Variants in PDE3A observed in about 807,000 individuals in gnomAD.
The protein encoded by PDE3A is phosphodiesterase 3A.
A neutral mutation model predicts 98.3 loss-of-function variants in PDE3A; 43 were observed. The ratio of observed to expected loss-of-function variants is 0.44; its 90% CI spans 0.34 to 0.56. The LOEUF is 0.56. Ranked by LOEUF, PDE3A falls within the 20% of genes least tolerant of loss-of-function variation. The pLI, the probability that PDE3A is intolerant of heterozygous loss-of-function variation, is 0.01. For missense variants in PDE3A, 1,427 were observed against 1,440.7 expected (o/e 0.99, Z 0.15); for synonymous variants, 663 against 567.9 (o/e 1.17, Z -2.38).
intron 1 of PDE3A, among the ~76,000 whole-genome samples, chr12:20,535,024 C>A (rs895612119): frequency 2.6e-5 from 4 of 152,036 alleles, no homozygotes; most frequent in African/African-American, 9.7e-5. Context: ...AGTAATTTTG[C>A]CATCAGTTTT....
At chr12:20,462,512 AT>A (rs879796450) in intron 1 of PDE3A, among the ~76,000 whole-genome samples, 19 of 151,134 alleles carry the variant, frequency 1.3e-4, no homozygotes, top group Non-Finnish European at 2.4e-4. Flanking sequence ...CAAAAATCGA[AT>A]TTTTTTTTGG....
At chr12:20,469,190 C>T (rs376841162) in intron 1 of PDE3A, among the ~76,000 whole-genome samples, 1 of 151,970 alleles carries the variant, frequency 6.6e-6, no homozygotes, top group African/African-American at 2.4e-5. Flanking sequence ...CATATTTAAC[C>T]CTTAAATACC....
At chr12:20,536,458 G>A (rs1291781121) in intron 1 of PDE3A, among the ~76,000 whole-genome samples, 1 of 151,938 alleles carries the variant, frequency 6.6e-6, no homozygotes, top group African/African-American at 2.4e-5. Flanking sequence ...AAGTTATGGA[G>A]CTATCGCCAC....
At chr12:20,449,657 C>A in intron 1 of PDE3A, 9 of 417,038 alleles carry the variant, frequency 2.2e-5, no homozygotes, top group Non-Finnish European at 2.7e-5. Context: ...AGTCGCTTTT[C>A]CCCCTATTTC....
chr12:20,509,714 G>A (rs372374822), intron 1 of PDE3A, among the ~76,000 whole-genome samples: 3 of 151,758 alleles, frequency 2.0e-5, no homozygotes, highest in African/African-American at 4.8e-5. Context: ...TTTTCCTTCC[G>A]GATGTTAAAT....
intron 2 of PDE3A, among the ~76,000 whole-genome samples, chr12:20,610,187 C>CTT (rs1943813334): frequency 6.6e-6 from 1 of 151,906 alleles, no homozygotes; most frequent in East Asian, 1.9e-4. Context: ...ATAAATAACT[C>CTT]TTATAACACA....
At chr12:20,647,883 T>C (rs993614314) in intron 12 of PDE3A, among the ~76,000 whole-genome samples, 2 of 152,110 alleles carry the variant, frequency 1.3e-5, no homozygotes, top group Admixed American at 1.3e-4. Flanking sequence ...CAGATTATTT[T>C]ACACGTCTAC....
intron 1 of PDE3A, among the ~76,000 whole-genome samples, chr12:20,451,803 T>A (rs547254250): frequency 5.4e-4 from 82 of 152,316 alleles, no homozygotes; most frequent in Admixed American, 9.2e-4. Context: ...AGAGTCAGAT[T>A]TTATATTCAT....
chr12:20,371,026 A>C (rs1943463831), intron 1 of PDE3A, among the ~76,000 whole-genome samples: 1 of 152,236 alleles, frequency 6.6e-6, no homozygotes, highest in South Asian at 2.1e-4. Context: ...GATATTTATA[A>C]ATTCAAATGG....
At chr12:20,473,499 C>T (rs545125416) in intron 1 of PDE3A, among the ~76,000 whole-genome samples, 1 of 152,220 alleles carries the variant, frequency 6.6e-6, no homozygotes, top group African/African-American at 2.4e-5. Flanking sequence ...CTAGCCAACT[C>T]GATGCATTTT....
chr12:20,441,982 T>A (rs2120846478), intron 1 of PDE3A, among the ~76,000 whole-genome samples: 1 of 152,336 alleles, frequency 6.6e-6, no homozygotes, highest in Admixed American at 6.5e-5. Flanking sequence ...TGCTGTATTC[T>A]TCTGCTTTTC....
Position 20,613,707 on chromosome 12 carries a change from A to T in PDE3A, c.1269+7A>T. The T allele has an allele frequency of 5.6e-6, 9 of 1,608,692 alleles. No individual in the cohort carries two copies. Among genetic ancestry groups the T allele is most frequent in the Non-Finnish European group, 7.7e-6 (9 of 1,175,012 alleles). ...CAAGCTTGCTATTCCAAAGGTAGGT[A>T]GTAATGACATACCCCTTAAAGGGTT... is the stretch of plus-strand genomic sequence containing the variant. On this transcript the variant is annotated splice_region_variant and intron_variant, in intron 3 of 15. Coordinates refer to ENST00000359062, the MANE Select transcript of PDE3A (RefSeq NM_000921.5).
intron 1 of PDE3A, among the ~76,000 whole-genome samples, chr12:20,470,762 T>C (rs1206570104): frequency 1.3e-5 from 2 of 152,102 alleles, no homozygotes; most frequent in African/African-American, 2.4e-5. Context: ...GTGGGTTGCA[T>C]TGTGTCCTTT....
At chr12:20,664,068 C>T (rs61921481) in intron 15 of PDE3A, among the ~76,000 whole-genome samples, 1 of 151,956 alleles carries the variant, frequency 6.6e-6, no homozygotes, top group Non-Finnish European at 1.5e-5. Flanking sequence ...GGGACTTTTC[C>T]CCCTTTGCTT....
Position 20,552,431 on chromosome 12 carries a change from T to A in PDE3A, c.961-4229T>A, listed in dbSNP as rs1942237911. 3 of 1,612,626 alleles carry A rather than the reference T, an allele frequency of 1.9e-6. No homozygotes were observed. Among genetic ancestry groups the A allele is most frequent in the East Asian group, 2.2e-5 (1 of 44,826 alleles). On this transcript the variant is annotated intron_variant, in intron 1 of 15. Transcript: ENST00000359062. The surrounding 1 kb of genome is among the most constrained non-coding windows in gnomAD (Gnocchi z 5.1). Reference sequence around the variant, plus strand: ...GAGGGGAAGGACCGGATCAAGAAGCTGGGGCTGACCATGCAGTATCCAGAA... The same window carrying A: ...GAGGGGAAGGACCGGATCAAGAAGCAGGGGCTGACCATGCAGTATCCAGAA...
At position 20,682,401 on chromosome 12, in the gene PDE3A, C is replaced by T. The variant is rs1945812866; in HGVS notation, c.*2130C>T. 6.6e-6 allele frequency: 1 copy of T among 152,098 alleles called. No individual in the cohort carries two copies. The highest frequency in any genetic ancestry group is 2.4e-5 in the African/African-American group (1 of 41,416). 9.4% of individuals were successfully genotyped at this position (152,098 alleles called of 1,614,324 possible). ...CTCATAAATGGATATTGTACTCCCC[C>T]CTTTCAAAGCATTATTTTACAATAA... On this transcript the variant is annotated 3_prime_UTR_variant, in exon 16 of 16. Coordinates refer to ENST00000359062, the MANE Select transcript of PDE3A (RefSeq NM_000921.5).
rs193156730 is a variant in PDE3A at position 20,422,207 on chromosome 12, A to G, written c.960+51963A>G. On this transcript the variant is annotated intron_variant, in intron 1 of 15. Transcript: ENST00000359062. ...TAAAAATACAAAAAATTAGCCGGGC[A>G]TGGTGGCGGGCACCTGTAGTCCCAG... 5.5e-3 allele frequency among the ~76,000 whole-genome samples: 836 copies of G among 152,088 alleles called. 4 individuals carry two copies. The highest frequency in any genetic ancestry group is 0.047 in the East Asian group (243 of 5,142).
At position 20,613,715 on chromosome 12, in the gene PDE3A, C is replaced by A; in HGVS notation, c.1269+15C>A. On this transcript the variant is annotated intron_variant, in intron 3 of 15. Transcript: ENST00000359062. Reference sequence around the variant, plus strand: ...CTATTCCAAAGGTAGGTAGTAATGACATACCCCTTAAAGGGTTAAACTATT... The same window carrying A: ...CTATTCCAAAGGTAGGTAGTAATGAAATACCCCTTAAAGGGTTAAACTATT... The A allele has an allele frequency of 6.2e-7, 1 of 1,607,258 alleles. No individual in the cohort carries two copies. Among genetic ancestry groups the A allele is most frequent in the Non-Finnish European group, 8.5e-7 (1 of 1,173,888 alleles).
chr12:20,674,723 G>C (rs1945588159), intron 15 of PDE3A, among the ~76,000 whole-genome samples: 1 of 151,908 alleles, frequency 6.6e-6, no homozygotes, highest in African/African-American at 2.4e-5. Flanking sequence ...AGGTTTTCTA[G>C]TTTGCTAATA....
Sources: allele counts gnomAD v4.1 joint callset (sites outside exome capture counted in the v4.1 genomes callset), GRCh38; gene constraint gnomAD v4.1.1; non-coding constraint Gnocchi (gnomAD v3.1); transcripts MANE v1.5; gene names NCBI Gene and HGNC (gene_info 2026-07-23, HGNC 2026-07-21).